The following CNTN3 variants were observed in gnomAD, a reference collection of about 807,000 sequenced individuals.
CNTN3 encodes the protein contactin 3.
In CNTN3, 60 loss-of-function variants were observed where a neutral mutation model predicts 119.1. That is an observed-to-expected ratio of 0.50 (90% CI 0.41 to 0.62). CNTN3 has a LOEUF of 0.62. CNTN3 is among the 20% of genes least tolerant of loss of function. CNTN3 has a pLI of 0.00. For synonymous variants in CNTN3, 450 were observed against 438.7 expected, an observed-to-expected ratio of 1.03 and a Z score of -0.32; for missense variants, 1,101 against 1,242.4, an observed-to-expected ratio of 0.89 and a Z score of 1.71.
rs142821890 is a variant in CNTN3, at chr3:74,583,262, C to T, written c.-81+31129G>A. Among the ~76,000 whole-genome samples, 466 of 151,932 alleles carry T rather than the reference C, an allele frequency of 3.1e-3. 4 individuals are homozygous for T. Among genetic ancestry groups the T allele is most frequent in the African/African-American group, 0.011 (443 of 41,416 alleles). ...GATGCCAAATAAAGAAACACACAAG[C>T]TAAGTAAACATAAGTCAAACAATAA... On this transcript the variant is annotated intron_variant, in intron 1 of 22. Transcript: ENST00000263665.
intron 1 of CNTN3, among the ~76,000 whole-genome samples, chr3:74,590,613 A>T (rs1704685357): frequency 6.6e-6 from 1 of 152,060 alleles, no homozygotes; most frequent in South Asian, 2.1e-4. Flanking sequence ...TAGAGGATAC[A>T]GGCCATGGGG....
intron 1 of CNTN3, among the ~76,000 whole-genome samples, chr3:74,551,483 ATCAG>A (rs1703989188): frequency 2.6e-5 from 4 of 151,838 alleles, no homozygotes; most frequent in Admixed American, 6.6e-5. Flanking sequence ...ACATTTCATT[ATCAG>A]TCAAAGTTCA....
intron 3 of CNTN3, among the ~76,000 whole-genome samples, chr3:74,498,263 T>C (rs1703100022): frequency 6.6e-6 from 1 of 151,822 alleles, no homozygotes. Flanking sequence ...ACAAAAATGC[T>C]GGAAAAAAAT....
chr3:74,404,464 CTT>C (rs1019847152), intron 5 of CNTN3, among the ~76,000 whole-genome samples: 1 of 152,098 alleles, frequency 6.6e-6, no homozygotes, highest in African/African-American at 2.4e-5. Flanking sequence ...GCTTATCTCT[CTT>C]TGACTACAAC....
chr3:74,561,976 C>G (rs948842458), intron 1 of CNTN3, among the ~76,000 whole-genome samples: 5 of 152,076 alleles, frequency 3.3e-5, no homozygotes, highest in African/African-American at 1.2e-4. Context: ...ATTTAGCATT[C>G]AAAACACAGG....
At chr3:74,336,456 CAT>C (rs1327136427) in intron 12 of CNTN3, 73 bp downstream of exon 12, 11 of 1,486,406 alleles carry the variant, frequency 7.4e-6, no homozygotes, top group South Asian at 3.5e-5. Flanking sequence ...TTGTGAAACA[CAT>C]AGTTACTTTC....
intron 5 of CNTN3, among the ~76,000 whole-genome samples, chr3:74,386,403 G>A (rs1704744670): frequency 6.6e-6 from 1 of 152,122 alleles, no homozygotes; most frequent in Non-Finnish European, 1.5e-5. Flanking sequence ...TGGATGGCTT[G>A]ATCCCAGAGT....
chr3:74,305,775 C>A (rs138093899), intron 13 of CNTN3, among the ~76,000 whole-genome samples: 18 of 151,002 alleles, frequency 1.2e-4, no homozygotes, highest in African/African-American at 4.1e-4. Flanking sequence ...GTTTTCAGTG[C>A]TGGTCACTTG....
chr3:74,327,723 A>G (rs1373656365), intron 13 of CNTN3, among the ~76,000 whole-genome samples: 1 of 152,066 alleles, frequency 6.6e-6, no homozygotes, highest in Non-Finnish European at 1.5e-5. Context: ...TGGAAAATTG[A>G]TTTGCAAGTT....
intron 4 of CNTN3, among the ~76,000 whole-genome samples, chr3:74,431,690 G>A (rs1701785899): frequency 6.6e-6 from 1 of 152,168 alleles, no homozygotes. Context: ...TAAAAAAGAT[G>A]TCAATAAGAG....
intron 4 of CNTN3, among the ~76,000 whole-genome samples, chr3:74,468,794 A>G (rs1421790766): frequency 9.6e-6 from 1 of 103,952 alleles, no homozygotes; most frequent in Non-Finnish European, 2.2e-5. Context: ...CCAGTGATCA[A>G]CACCTATATA....
chr3:74,556,541 G>A (rs765312908), intron 1 of CNTN3, among the ~76,000 whole-genome samples: 1 of 152,094 alleles, frequency 6.6e-6, no homozygotes, highest in Non-Finnish European at 1.5e-5. Context: ...TCATTCATAA[G>A]TTGATGGACT....
chr3:74,368,877 G>A (rs1316676390), intron 8 of CNTN3, among the ~76,000 whole-genome samples: 1 of 151,646 alleles, frequency 6.6e-6, no homozygotes, highest in Non-Finnish European at 1.5e-5. Flanking sequence ...AAGACAGACA[G>A]AAAAGAGATC....
At chr3:74,474,815 C>T (rs1702625243) in intron 4 of CNTN3, among the ~76,000 whole-genome samples, 2 of 152,092 alleles carry the variant, frequency 1.3e-5, no homozygotes, top group African/African-American at 4.8e-5. Flanking sequence ...AGGATCATCC[C>T]TCTTGGTATT....
chr3:74,598,085 G>A (rs1559673917), intron 1 of CNTN3, among the ~76,000 whole-genome samples: 1 of 152,066 alleles, frequency 6.6e-6, no homozygotes, highest in East Asian at 1.9e-4. Flanking sequence ...CCCAGAAAGA[G>A]TAGAGTCTGT....
At chr3:74,535,359 C>G (rs140683834) in intron 1 of CNTN3, among the ~76,000 whole-genome samples, 257 of 152,176 alleles carry the variant, frequency 1.7e-3, no homozygotes, top group African/African-American at 5.6e-3. Flanking sequence ...CCCACAGTAT[C>G]AACTTCAGCT....
At chr3:74,491,761 T>A (rs554417598) in intron 3 of CNTN3, among the ~76,000 whole-genome samples, 8 of 152,324 alleles carry the variant, frequency 5.3e-5, no homozygotes, top group Non-Finnish European at 1.0e-4. Flanking sequence ...TTCTGCATAT[T>A]CATAATTCTT....
intron 20 of CNTN3, among the ~76,000 whole-genome samples, chr3:74,279,890 A>T (rs1701965504): frequency 6.6e-6 from 1 of 152,074 alleles, no homozygotes; most frequent in Non-Finnish European, 1.5e-5. Flanking sequence ...GTTTGGGGTG[A>T]GGGGGATAAG....
At chr3:74,450,227 A>G (rs1405320787) in intron 4 of CNTN3, among the ~76,000 whole-genome samples, 1 of 152,130 alleles carries the variant, frequency 6.6e-6, no homozygotes, top group Non-Finnish European at 1.5e-5. Context: ...TGTTTTTTAT[A>G]TAAAGTCGAA....
Sources: gnomAD v4.1 joint callset for allele counts (sites outside exome capture counted in the v4.1 genomes callset) on GRCh38, gnomAD v4.1.1 for gene constraint, MANE v1.5 for transcripts, NCBI Gene and HGNC (gene_info 2026-07-23, HGNC 2026-07-21) for gene names.